The following LARS2 variants were observed in gnomAD, a reference collection of about 807,000 sequenced individuals.
LARS2 encodes the protein leucyl-tRNA synthetase 2, mitochondrial.
A neutral mutation model predicts 116.6 loss-of-function variants in LARS2; 81 were observed. The observed-to-expected ratio is 0.69, with a 90% CI of 0.58 to 0.84. LARS2 has a LOEUF of 0.84. Among genes scored for constraint, LARS2 ranks in the 40% least tolerant of loss-of-function variants. The pLI, the probability that LARS2 is intolerant of heterozygous loss-of-function variation, is 0.00. For synonymous variants in LARS2, 396 were observed against 407.2 expected (o/e 0.97, Z 0.33); for missense variants, 968 against 1,114.5 (o/e 0.87, Z 1.87).
chr3:45,510,630 AAC>A (rs1488564240), intron 15 of LARS2, among the ~76,000 whole-genome samples: 1 of 152,232 alleles, frequency 6.6e-6, no homozygotes, highest in Non-Finnish European at 1.5e-5. Context: ...GAGTTTTGAT[AAC>A]AGTTTGGGAA....
chr3:45,457,643 C>A (rs1699235210), intron 7 of LARS2, among the ~76,000 whole-genome samples: 1 of 151,750 alleles, frequency 6.6e-6, no homozygotes, highest in African/African-American at 2.4e-5. Context: ...GCAACCATTG[C>A]AATCCAGCCT....
intron 14 of LARS2, among the ~76,000 whole-genome samples, chr3:45,499,496 T>G (rs941069362): frequency 6.6e-6 from 1 of 151,526 alleles, no homozygotes; most frequent in Non-Finnish European, 1.5e-5. Flanking sequence ...GTGGTGTGTG[T>G]CTGTAGTCCT....
At chr3:45,486,289 A>T (rs1699813542) in intron 11 of LARS2, among the ~76,000 whole-genome samples, 1 of 152,234 alleles carries the variant, frequency 6.6e-6, no homozygotes, top group Admixed American at 6.5e-5. Flanking sequence ...CGAGCTATTC[A>T]AGAAAAGGAT....
chr3:45,491,928 G>T, intron 13 of LARS2, 128 bp downstream of exon 13: 1 of 898,378 alleles, frequency 1.1e-6, no homozygotes, highest in East Asian at 2.6e-5. Context: ...AGGCTGGAAA[G>T]AACACTGTGG....
chr3:45,519,490 CAAAAAAA>C (rs373279726), intron 18 of LARS2, among the ~76,000 whole-genome samples: 1 of 105,894 alleles, frequency 9.4e-6, no homozygotes, highest in Non-Finnish European at 1.9e-5. Context: ...GTCTCCGTCT[CAAAAAAA>C]AAAAAAAAAG....
At chr3:45,414,695 A>G (rs1223567741) in intron 4 of LARS2, among the ~76,000 whole-genome samples, 3 of 151,940 alleles carry the variant, frequency 2.0e-5, no homozygotes, top group African/African-American at 7.3e-5. Flanking sequence ...GCGCCACTGC[A>G]CTTCAGCCTC....
intron 7 of LARS2, among the ~76,000 whole-genome samples, chr3:45,447,496 G>C (rs558554912): frequency 6.6e-5 from 10 of 151,828 alleles, no homozygotes; most frequent in Non-Finnish European, 1.0e-4. Context: ...TATTATTGTG[G>C]GAATGAGCTC....
intron 19 of LARS2, among the ~76,000 whole-genome samples, chr3:45,521,877 G>A (rs961061658): frequency 6.6e-6 from 1 of 152,106 alleles, no homozygotes; most frequent in Non-Finnish European, 1.5e-5. Context: ...GGAGGCCGAG[G>A]CAGCAGGATC....
At chr3:45,510,285 G>A (rs183409714) in intron 15 of LARS2, among the ~76,000 whole-genome samples, 55 of 151,424 alleles carry the variant, frequency 3.6e-4, no homozygotes, top group African/African-American at 1.2e-3. Flanking sequence ...GTGGTAGTGC[G>A]CGCCTGTGGT....
chr3:45,431,159 G>A (rs1698705993), intron 6 of LARS2, among the ~76,000 whole-genome samples: 1 of 152,184 alleles, frequency 6.6e-6, no homozygotes, highest in Non-Finnish European at 1.5e-5. Flanking sequence ...AGGCAAGTCA[G>A]GAAGAGGGTC....
At chr3:45,438,916 T>C (rs17030605) in intron 6 of LARS2, among the ~76,000 whole-genome samples, 114,586 of 152,016 alleles carry the variant, frequency 0.75, 44,942 homozygotes, top group East Asian at 0.99. Context: ...TGGATCCCAA[T>C]GTGTCCTATC....
chr3:45,533,139 G>GTAT (rs1559499579), intron 20 of LARS2, among the ~76,000 whole-genome samples: 5 of 86,388 alleles, frequency 5.8e-5, no homozygotes, highest in African/African-American at 2.1e-4. Context: ...GTCACATTAA[G>GTAT]TCTTTTTTTT....
chr3:45,440,227 T>C (rs1698881847), intron 6 of LARS2, among the ~76,000 whole-genome samples: 2 of 152,218 alleles, frequency 1.3e-5, no homozygotes, highest in Admixed American at 6.5e-5. Context: ...ACAATAGGAA[T>C]GCCAAGGCTA....
intron 15 of LARS2, among the ~76,000 whole-genome samples, chr3:45,500,904 C>T (rs1479819744): frequency 6.6e-6 from 1 of 152,012 alleles, no homozygotes; most frequent in African/African-American, 2.4e-5. Context: ...GCTTATCACC[C>T]AGTCCTTCCA....
chr3:45,414,379 C>T (rs559097148), intron 4 of LARS2, among the ~76,000 whole-genome samples: 46 of 152,146 alleles, frequency 3.0e-4, no homozygotes, highest in Non-Finnish European at 6.0e-4. Context: ...GTCTTATTTT[C>T]TTCTATTTTT....
At chr3:45,398,190 T>A (rs945056504) in intron 3 of LARS2, among the ~76,000 whole-genome samples, 2 of 152,236 alleles carry the variant, frequency 1.3e-5, no homozygotes, top group African/African-American at 4.8e-5. Flanking sequence ...CAAAGAAAAG[T>A]TCTACTCTAG....
At chr3:45,470,379 TG>T (rs1699500219) in intron 8 of LARS2, among the ~76,000 whole-genome samples, 1 of 152,244 alleles carries the variant, frequency 6.6e-6, no homozygotes, top group South Asian at 2.1e-4. Context: ...AAAACCTTTT[TG>T]ATTGGATGTT....
chr3:45,434,058 GTAGATTTCTTTGGGTT>G (rs1218632735), intron 6 of LARS2, among the ~76,000 whole-genome samples: 6 of 152,086 alleles, frequency 3.9e-5, no homozygotes, highest in African/African-American at 1.4e-4. Context: ...GTGTTTTGGA[GTAGATTTCTTTGGGTT>G]TATCTTGTTT....
At chr3:45,414,733 A>G (rs1698387594) in intron 4 of LARS2, among the ~76,000 whole-genome samples, 1 of 146,984 alleles carries the variant, frequency 6.8e-6, no homozygotes, top group Admixed American at 6.8e-5. Context: ...CTGTCTCTTA[A>G]AAAAAAAAAA....
Sources: allele counts gnomAD v4.1 joint callset (sites outside exome capture counted in the v4.1 genomes callset), GRCh38; gene constraint gnomAD v4.1.1; transcripts MANE v1.5; gene names NCBI Gene and HGNC (gene_info 2026-07-23, HGNC 2026-07-21).